TENM1: variants seen among roughly 807,000 people sequenced by gnomAD.
TENM1 encodes the protein teneurin transmembrane protein 1, also known as teneurin-1.
A neutral mutation model predicts 174.8 loss-of-function variants in TENM1; 35 were observed. The ratio of observed to expected loss-of-function variants is 0.20; its 90% CI spans 0.15 to 0.27. The LOEUF (loss-of-function observed/expected upper bound fraction) is 0.27. Ranked by LOEUF, TENM1 falls within the 10% of genes least tolerant of loss-of-function variation. The pLI, the probability that TENM1 is intolerant of heterozygous loss-of-function variation, is 1.00. For missense variants in TENM1, 1,633 were observed against 2,130.1 expected (o/e 0.77, Z 4.59); for synonymous variants, 781 against 798.7 (o/e 0.98, Z 0.37).
chrX:124,849,417 CT>C lies in TENM1; in HGVS notation c.535+44878del, dbSNP rs767005275. ...GTAGTAAAATTCTGCCTCTCTCTTT[CT>C]TTTTTTCTCTCTCTCTCTCTCTCTG... On this transcript the variant is annotated intron_variant, in intron 3 of 31. Coordinates refer to ENST00000422452, the Ensembl canonical transcript of TENM1. 3.4e-3 allele frequency among the ~76,000 whole-genome samples: 371 copies of C among 108,434 alleles called. 38 individuals are homozygous for C. The highest frequency in any genetic ancestry group is 0.013 in the African/African-American group (355 of 28,298). The allele number at this position is 108,434 out of a possible 115,157, so 94.2% of individuals were successfully genotyped here.
intron 20 of TENM1, among the ~76,000 whole-genome samples, chrX:124,487,906 A>G (rs949908733): frequency 8.9e-6 from 1 of 112,184 alleles, no homozygotes; most frequent in African/African-American, 3.2e-5. Context: ...TGAAAGTGTA[A>G]GAGTTTTCTT....
intron 22 of TENM1, among the ~76,000 whole-genome samples, chrX:124,454,257 C>T (rs566308755): frequency 4.5e-5 from 5 of 111,681 alleles, no homozygotes; most frequent in African/African-American, 1.6e-4. Flanking sequence ...TCTTTGGTAA[C>T]ATAGGGACAG....
chrX:124,428,045 G>C (rs1229572714), intron 23 of TENM1, among the ~76,000 whole-genome samples: 1 of 111,882 alleles, frequency 8.9e-6, no homozygotes, highest in Non-Finnish European at 1.9e-5. Flanking sequence ...CCTCATTTGT[G>C]GTGGTTGCCA....
At chrX:124,965,886 G>A (rs1041137899), upstream of TENM1, among the ~76,000 whole-genome samples, 2 of 111,335 alleles carry the variant, frequency 1.8e-5, no homozygotes, top group African/African-American at 6.5e-5. Context: ...TAAAAGATAC[G>A]TCAAACACAG....
At chrX:124,631,047 C>T (rs2148347753) in intron 11 of TENM1, among the ~76,000 whole-genome samples, 1 of 112,007 alleles carries the variant, frequency 8.9e-6, no homozygotes, top group South Asian at 3.7e-4. Context: ...GATTTCCAAC[C>T]TGTTTGAGCT....
chrX:124,574,892 G>A (rs960828891), intron 11 of TENM1, among the ~76,000 whole-genome samples: 4 of 111,497 alleles, frequency 3.6e-5, no homozygotes, highest in Admixed American at 9.5e-5. Flanking sequence ...TTTGTGTACT[G>A]TGTGTTGTTT....
intron 11 of TENM1, among the ~76,000 whole-genome samples, chrX:124,631,888 CA>C (rs1207149583): frequency 0.022 from 660 of 29,670 alleles, 3 homozygotes; most frequent in African/African-American, 0.058. Flanking sequence ...GACTCTGTCT[CA>C]AAAAAAAAAA....
chrX:124,849,550 C>T (rs924653312), intron 3 of TENM1, among the ~76,000 whole-genome samples: 2 of 101,783 alleles, frequency 2.0e-5, no homozygotes, highest in Non-Finnish European at 3.8e-5. Context: ...CCCTGGCTGA[C>T]AGCCAACAAG....
intron 3 of TENM1, among the ~76,000 whole-genome samples, chrX:124,772,692 G>A (rs1280218181): frequency 9.0e-6 from 1 of 110,934 alleles, no homozygotes; most frequent in Non-Finnish European, 1.9e-5. Context: ...ATTTTTTTCT[G>A]TGCCATAAAA....
intron 1 of TENM1, among the ~76,000 whole-genome samples, chrX:124,931,330 C>T (rs961657404): frequency 9.1e-6 from 1 of 109,982 alleles, no homozygotes; most frequent in African/African-American, 3.3e-5. Context: ...GGGTTGACAG[C>T]CAAACCTTTT....
Position 124,453,507 on chromosome X carries a change from A to C in TENM1, c.3950-16T>G. On this transcript the variant is annotated splice_polypyrimidine_tract_variant and intron_variant, in intron 22 of 31. Transcript: ENST00000422452. ...ACTGTGATGCCTGTTGGGAAAGAGC[A>C]AATGAGCATTAGTAGTCTAGTGAAC... 8.3e-7 allele frequency: 1 copy of C among 1,198,483 alleles called. No individual in the cohort carries two copies. The highest frequency in any genetic ancestry group is 1.1e-6 in the Non-Finnish European group (1 of 887,160).
chrX:125,153,236 T>G, the TENM1 span, among the ~76,000 whole-genome samples: 23,989 of 111,141 alleles, frequency 0.22, 2,325 homozygotes, highest in East Asian at 0.49. Flanking sequence ...TACTTTTACC[T>G]GTAAAATGGA....
chrX:124,795,286 A>C (rs1208652372), intron 3 of TENM1, among the ~76,000 whole-genome samples: 2 of 112,081 alleles, frequency 1.8e-5, no homozygotes, highest in Admixed American at 9.5e-5. Flanking sequence ...TAGGTGCTCA[A>C]ATATATTCTG....
At chrX:125,012,497 C>A in the TENM1 span, among the ~76,000 whole-genome samples, 1 of 111,963 alleles carries the variant, frequency 8.9e-6, no homozygotes, top group Non-Finnish European at 1.9e-5. Flanking sequence ...TATTTAGCAT[C>A]GTACTTTAGA....
chrX:124,421,544 T>C (rs1346113061), intron 24 of TENM1, among the ~76,000 whole-genome samples: 1 of 111,172 alleles, frequency 9.0e-6, no homozygotes, highest in Non-Finnish European at 1.9e-5. Flanking sequence ...CCAGCAATAA[T>C]TGTATCTGTT....
the TENM1 span, among the ~76,000 whole-genome samples, chrX:124,995,597 C>T: frequency 1.8e-5 from 2 of 111,273 alleles, no homozygotes; most frequent in African/African-American, 3.3e-5. Flanking sequence ...AGATGCTACA[C>T]GTATGCATCG....
chrX:125,177,004 A>G, the TENM1 span, among the ~76,000 whole-genome samples: 6 of 111,206 alleles, frequency 5.4e-5, no homozygotes, highest in African/African-American at 1.3e-4. Flanking sequence ...TATACAAAAT[A>G]TTAAAGCATT....
intron 23 of TENM1, among the ~76,000 whole-genome samples, chrX:124,445,094 G>A (rs775499257): frequency 9.0e-6 from 1 of 111,707 alleles, no homozygotes; most frequent in South Asian, 3.8e-4. Flanking sequence ...TTGTCATGAG[G>A]ATTAAATAAG....
intron 18 of TENM1, 141 bp downstream of exon 21, chrX:124,520,376 G>A: frequency 1.7e-6 from 1 of 593,989 alleles, no homozygotes; most frequent in East Asian, 3.5e-5. Flanking sequence ...TGGCCTCAAG[G>A]TAGTGTTTAA....
Sources: allele counts gnomAD v4.1 joint callset (sites outside exome capture counted in the v4.1 genomes callset), GRCh38; gene constraint gnomAD v4.1.1; transcripts MANE v1.5; gene names NCBI Gene and HGNC (gene_info 2026-07-23, HGNC 2026-07-21).